The following KIDINS220 variants were observed in gnomAD, a reference collection of about 807,000 sequenced individuals.
KIDINS220 encodes the protein kinase D-interacting substrate of 220 kDa.
Under a neutral mutation model 157.6 loss-of-function variants are expected in KIDINS220, and 63 were observed. The observed-to-expected ratio is 0.40, with a 90% CI of 0.33 to 0.49. KIDINS220 has a LOEUF of 0.49. Ranked by LOEUF, KIDINS220 falls within the 20% of genes least tolerant of loss-of-function variation. The pLI, the probability that KIDINS220 is intolerant of heterozygous loss-of-function variation, is 0.66. For missense variants in KIDINS220, 1,772 were observed against 2,171.2 expected, an observed-to-expected ratio of 0.82 and a Z score of 3.65; for synonymous variants, 732 against 783.6, an observed-to-expected ratio of 0.93 and a Z score of 1.10.
At position 8,832,353 on chromosome 2, in the gene KIDINS220, C is replaced by T. The variant is rs536116427; in HGVS notation, c.-37+5127G>A. ...AAATGTCATAAGATGTTTGTAAGCA[C>T]ATATATAAGTGCCTAGAAATTACAA... On this transcript the variant is annotated intron_variant, in intron 1 of 29. Coordinates refer to ENST00000256707, the MANE Select transcript of KIDINS220 (RefSeq NM_020738.4). Among the ~76,000 whole-genome samples, 11 of 152,300 alleles carry T rather than the reference C, an allele frequency of 7.2e-5. No homozygotes were observed. The East Asian group carries it at 1.7e-3, about 24-fold the overall frequency.
At chr2:8,760,834 A>C (rs1166248270) in intron 22 of KIDINS220, among the ~76,000 whole-genome samples, 2 of 152,180 alleles carry the variant, frequency 1.3e-5, no homozygotes, top group African/African-American at 4.8e-5. Flanking sequence ...ACAGGCTTCC[A>C]CTGGGAGTAC....
At chr2:8,795,825 G>A (rs1673836813) in intron 11 of KIDINS220, among the ~76,000 whole-genome samples, 2 of 152,216 alleles carry the variant, frequency 1.3e-5, no homozygotes, top group African/African-American at 2.4e-5. Context: ...GGGGACCAGT[G>A]TCAGATGAGT....
In KIDINS220 at chr2:8,806,357, G is replaced by A. The variant is rs374716369; in HGVS notation, c.517C>T (p.Pro173Ser). 77 of 1,604,886 alleles carry A rather than the reference G, an allele frequency of 4.8e-5. No homozygotes were observed. In the African/African-American group the frequency reaches 8.7e-4, roughly 18 times the overall value. Residue 173 changes from proline (P) to serine (S), a missense_variant, in exon 7 of 30, where the codon CCT (proline) becomes TCT (serine). Physicochemically the swap from Pro to Ser is moderately conservative, Grantham distance 74. Transcript: ENST00000256707. ...VNCSDKYGTTPLVWAARKGHL... is the reference protein window; with the variant it reads ...VNCSDKYGTTSLVWAARKGHL... ...CCCTTTCGTGCAGCCCAAACTAAAGGGGTGGTTCCATACTATTAAAACAAA... is the reference window on the plus strand; with the variant it reads ...CCCTTTCGTGCAGCCCAAACTAAAGAGGTGGTTCCATACTATTAAAACAAA...
At chr2:8,803,211 A>T in intron 7 of KIDINS220, 84 bp from the exon 8 acceptor site, 1 of 1,140,374 alleles carries the variant, frequency 8.8e-7, no homozygotes, top group Non-Finnish European at 1.2e-6. Flanking sequence ...TTATGCCATA[A>T]TCATAAAACT....
In KIDINS220 at chr2:8,731,990, G is replaced by A. The variant is rs745807990; in HGVS notation, c.4054-8C>T. 2.5e-5 allele frequency: 38 copies of A among 1,513,150 alleles called. No homozygotes were observed. The highest frequency in any genetic ancestry group is 9.1e-5 in the Admixed American group (4 of 43,768). 93.7% of individuals were successfully genotyped at this position (1,513,150 alleles called of 1,614,324 possible). A position where few individuals can be genotyped will look rare whatever the true frequency, so the allele number is the denominator to read the frequency against. On this transcript the variant is annotated splice_polypyrimidine_tract_variant and splice_region_variant and intron_variant, in intron 29 of 29. Transcript: ENST00000256707. This position sits in a 1 kb window ranked among gnomAD's most constrained non-coding sequence, Gnocchi z 5.2. ...GGTTCTGCGAGTTTGTGACTGTGAA[G>A]ACAGAAAAAAAATAATTTAAAAATT...
chr2:8,747,848 T>A (rs1180064875), intron 25 of KIDINS220, 39 bp downstream of exon 25: 7 of 1,290,122 alleles, frequency 5.4e-6, no homozygotes, highest in Non-Finnish European at 7.6e-6. Flanking sequence ...CTATGTTTAT[T>A]ATTAAATTAA....
At chr2:8,829,100 T>C (rs150660463) in intron 1 of KIDINS220, among the ~76,000 whole-genome samples, 1 of 152,326 alleles carries the variant, frequency 6.6e-6, no homozygotes, top group Non-Finnish European at 1.5e-5. Flanking sequence ...ATTCTACTTA[T>C]ATAGCATTCT....
At position 8,731,505 on chromosome 2, in the gene KIDINS220, C is replaced by T. The variant is rs1664089160; in HGVS notation, c.4531G>A (p.Gly1511Arg). 2 of 1,614,202 alleles carry T rather than the reference C, an allele frequency of 1.2e-6. No individual in the cohort carries two copies. Among genetic ancestry groups the T allele is most frequent in the Non-Finnish European group, 1.7e-6 (2 of 1,180,044 alleles). The change falls in exon 30 of 30, where the codon GGA (glycine) becomes AGA (arginine). Residue 1511 changes from glycine to arginine, a missense_variant. Physicochemically the swap from Gly to Arg is moderately radical, Grantham distance 125 (BLOSUM62 -2). Transcript: ENST00000256707. This position sits in a 1 kb window ranked among gnomAD's most constrained non-coding sequence, Gnocchi z 5.2. ...SLFQTDLKLKGSGLRYQKLPS... is the reference protein window; with the variant it reads ...SLFQTDLKLKRSGLRYQKLPS... ...AGTTTTTGATAGCGCAGCCCACTTC[C>T]CTTAAGCTTCAAATCTGTCTGGAAG...
At chr2:8,826,786 A>G in intron 2 of KIDINS220, 200 bp downstream of exon 2, 1 of 336,656 alleles carries the variant, frequency 3.0e-6, no homozygotes, top group Non-Finnish European at 5.4e-6. Flanking sequence ...ATCTAAATTC[A>G]ACAGTCATTT....
At chr2:8,825,372 C>CAAAAAAAAAAAAAAAAAAAAAAA (rs369409976) in intron 2 of KIDINS220, among the ~76,000 whole-genome samples, 1 of 108,662 alleles carries the variant, frequency 9.2e-6, no homozygotes, top group Non-Finnish European at 1.8e-5. Flanking sequence ...GACTCCGTCT[C>CAAAAAAAAAAAAAAAAAAAAAAA]AAAAAAAAAA....
intron 3 of KIDINS220, among the ~76,000 whole-genome samples, chr2:8,817,987 G>A (rs527905719): frequency 1.4e-3 from 206 of 152,178 alleles, no homozygotes; most frequent in Non-Finnish European, 2.4e-3. Context: ...TTTTAAAAAC[G>A]AGAAAAGATG....
chr2:8,761,664 C>T (rs1045747697), intron 22 of KIDINS220, among the ~76,000 whole-genome samples: 1 of 151,724 alleles, frequency 6.6e-6, no homozygotes, highest in Admixed American at 6.6e-5. Flanking sequence ...TCATTAAATT[C>T]TGACTTGTTT....
chr2:8,817,557 C>A, intron 4 of KIDINS220, 61 bp downstream of exon 4: 1 of 942,300 alleles, frequency 1.1e-6, no homozygotes, highest in Non-Finnish European at 1.6e-6. Flanking sequence ...AAATATTTCA[C>A]ACATATCTAT....
intron 21 of KIDINS220, among the ~76,000 whole-genome samples, chr2:8,771,087 C>T (rs147780653): frequency 5.3e-5 from 8 of 152,248 alleles, no homozygotes; most frequent in African/African-American, 1.9e-4. Flanking sequence ...AGATATACTT[C>T]TTCGACCACG....
chr2:8,813,037 CT>C (rs1275700207), intron 5 of KIDINS220, among the ~76,000 whole-genome samples, 199 bp downstream of exon 5: 1 of 152,142 alleles, frequency 6.6e-6, no homozygotes, highest in African/African-American at 2.4e-5. Context: ...TAAGAGCTGC[CT>C]TTTTGCTGAC....
intron 12 of KIDINS220, among the ~76,000 whole-genome samples, chr2:8,793,270 G>A (rs573329729): frequency 2.0e-5 from 3 of 152,202 alleles, no homozygotes; most frequent in Non-Finnish European, 4.4e-5. Context: ...CACTTTGGGA[G>A]GCCAAGGTGG....
At chr2:8,757,368 A>G (rs1018079446) in intron 22 of KIDINS220, 2 of 1,065,816 alleles carry the variant, frequency 1.9e-6, no homozygotes, top group East Asian at 7.8e-5. Flanking sequence ...TCTATTTTTT[A>G]TATTTATTAC....
intron 24 of KIDINS220, 123 bp from the exon 25 acceptor site, chr2:8,748,123 G>C: frequency 8.8e-6 from 4 of 457,058 alleles, no homozygotes. Context: ...CAAAACAAAA[G>C]AAAAAAAAGC....
chr2:8,825,919 A>C (rs1378688129), intron 2 of KIDINS220: 1 of 151,894 alleles, frequency 6.6e-6, no homozygotes, highest in Non-Finnish European at 1.5e-5. Context: ...CTCTACTAAA[A>C]ATACAAAAAA....
Sources: gnomAD v4.1 joint callset for allele counts (sites outside exome capture counted in the v4.1 genomes callset) on GRCh38, gnomAD v4.1.1 for gene constraint, Gnocchi (gnomAD v3.1) non-coding constraint, MANE v1.5 for transcripts, NCBI Gene and HGNC (gene_info 2026-07-23, HGNC 2026-07-21) for gene names.